ROBO1: variants seen among roughly 807,000 people sequenced by gnomAD.
ROBO1 encodes the protein roundabout guidance receptor 1.
ROBO1 carries 149 observed loss-of-function variants against 195.9 expected under a neutral mutation model. The observed-to-expected ratio is 0.76, with a 90% CI of 0.67 to 0.87. ROBO1 has a LOEUF of 0.87. Ranked by LOEUF, ROBO1 falls within the 40% of genes least tolerant of loss-of-function variation. The pLI, the probability that ROBO1 is intolerant of heterozygous loss-of-function variation, is 0.00. For missense variants in ROBO1, 1,933 were observed against 2,068.3 expected (o/e 0.93, Z 1.27); for synonymous variants, 816 against 733.2 (o/e 1.11, Z -1.82).
chr3:79,744,554 A>G (rs919199142), intron 1 of ROBO1, among the ~76,000 whole-genome samples: 4 of 152,124 alleles, frequency 2.6e-5, no homozygotes, highest in Non-Finnish European at 5.9e-5. Flanking sequence ...TTTCTACATG[A>G]TGTGAGGATA....
intron 1 of ROBO1, among the ~76,000 whole-genome samples, chr3:79,685,949 T>G (rs907094796): frequency 7.9e-5 from 12 of 152,304 alleles, no homozygotes; most frequent in South Asian, 2.1e-4. Context: ...ATATCCTTGA[T>G]GAAAGCCAAT....
intron 2 of ROBO1, among the ~76,000 whole-genome samples, chr3:79,332,088 A>G (rs1354312432): frequency 6.7e-6 from 1 of 149,532 alleles, no homozygotes; most frequent in African/African-American, 2.5e-5. Context: ...GCTTACAGTG[A>G]GCCGAGATTG....
chr3:79,379,792 T>A (rs557656855), intron 2 of ROBO1, among the ~76,000 whole-genome samples: 4 of 152,248 alleles, frequency 2.6e-5, no homozygotes, highest in African/African-American at 9.6e-5. Context: ...GCGACAAAAA[T>A]CAGACTCACT....
At chr3:79,663,416 A>AT (rs1946387914) in intron 1 of ROBO1, among the ~76,000 whole-genome samples, 1 of 151,884 alleles carries the variant, frequency 6.6e-6, no homozygotes, top group South Asian at 2.1e-4. Context: ...TTGACACATA[A>AT]AAACAATTTT....
chr3:78,877,398 A>T (rs992142003), intron 4 of ROBO1, among the ~76,000 whole-genome samples: 2 of 152,132 alleles, frequency 1.3e-5, no homozygotes, highest in East Asian at 3.9e-4. Flanking sequence ...ATTCATTAGA[A>T]CAATTCTCTG....
At chr3:78,931,236 C>CTTTTTTTTTTTTTTTTT (rs71127369) in intron 4 of ROBO1, among the ~76,000 whole-genome samples, 15 of 79,190 alleles carry the variant, frequency 1.9e-4, no homozygotes, top group East Asian at 7.9e-4. Context: ...TTCTTTCTTT[C>CTTTTTTTTTTTTTTTTT]TTTTTTTTTT....
chr3:79,158,320 T>C (rs1277546860), intron 2 of ROBO1, among the ~76,000 whole-genome samples: 1 of 150,734 alleles, frequency 6.6e-6, no homozygotes, highest in African/African-American at 2.4e-5. Context: ...ATATATCATA[T>C]ATTTTTATGA....
At chr3:79,171,704 A>C (rs538139147) in intron 2 of ROBO1, among the ~76,000 whole-genome samples, 2 of 152,206 alleles carry the variant, frequency 1.3e-5, no homozygotes, top group African/African-American at 4.8e-5. Context: ...TACTTGTTAC[A>C]TAAAAAAAAT....
intron 2 of ROBO1, among the ~76,000 whole-genome samples, chr3:79,451,856 T>C (rs2039451752): frequency 6.6e-6 from 1 of 151,996 alleles, no homozygotes; most frequent in Non-Finnish European, 1.5e-5. Context: ...ACAATGATAT[T>C]GGCTTACATT....
intron 2 of ROBO1, among the ~76,000 whole-genome samples, chr3:79,509,344 G>A (rs1940576523): frequency 6.6e-6 from 1 of 151,564 alleles, no homozygotes; most frequent in Non-Finnish European, 1.5e-5. Flanking sequence ...TCTTTTTAAT[G>A]TTCCTGCTTA....
In ROBO1 at chr3:79,608,227, A is replaced by G. The variant is rs190719907; in HGVS notation, c.-50-18266T>C. On this transcript the variant is annotated intron_variant, in intron 1 of 30. Coordinates refer to ENST00000464233, the MANE Select transcript of ROBO1 (RefSeq NM_002941.4). ...CCATGTGGTCCACAAAAGCACCTTT[A>G]GTCCAAAATGGGGTTATAATAATTA... Among the ~76,000 whole-genome samples, 597 of 152,058 alleles carry G rather than the reference A, an allele frequency of 3.9e-3. 3 individuals are homozygous for G. The highest frequency in any genetic ancestry group is 6.6e-3 in the Admixed American group (100 of 15,222).
At chr3:78,673,345 G>C (rs1300481956) in intron 10 of ROBO1, among the ~76,000 whole-genome samples, 1 of 150,408 alleles carries the variant, frequency 6.6e-6, no homozygotes, top group Admixed American at 6.7e-5. Flanking sequence ...AATAGTGGTG[G>C]AGGTAGTGAT....
chr3:79,557,739 A>ATATAT (rs1273371706), intron 2 of ROBO1, among the ~76,000 whole-genome samples: 1,678 of 139,928 alleles, frequency 0.012, 27 homozygotes, highest in Non-Finnish European at 0.02. Flanking sequence ...TTAAAACAAA[A>ATATAT]AAAAATATAT....
intron 1 of ROBO1, among the ~76,000 whole-genome samples, chr3:79,667,097 C>T (rs1946497254): frequency 1.3e-5 from 2 of 151,962 alleles, no homozygotes; most frequent in South Asian, 2.1e-4. Context: ...GTAGATTACA[C>T]GTGTCACTCT....
intron 4 of ROBO1, among the ~76,000 whole-genome samples, chr3:78,934,790 CAT>C (rs1040916672): frequency 2.0e-5 from 3 of 151,920 alleles, no homozygotes; most frequent in African/African-American, 7.3e-5. Context: ...ATGATACACA[CAT>C]AGACACACAC....
intron 1 of ROBO1, among the ~76,000 whole-genome samples, chr3:79,639,476 TACAACCAG>T (rs1945592880): frequency 6.6e-6 from 1 of 152,086 alleles, no homozygotes; most frequent in Non-Finnish European, 1.5e-5. Flanking sequence ...TTATACTAAA[TACAACCAG>T]GTTGGAAAAA....
intron 2 of ROBO1, among the ~76,000 whole-genome samples, chr3:79,242,223 C>G (rs2082532531): frequency 6.6e-6 from 1 of 151,568 alleles, no homozygotes; most frequent in African/African-American, 2.4e-5. Flanking sequence ...GTCTCTGACC[C>G]CATAAAAGCA....
At chr3:79,334,759 G>T (rs142673749) in intron 2 of ROBO1, among the ~76,000 whole-genome samples, 33 of 151,560 alleles carry the variant, frequency 2.2e-4, no homozygotes, top group Middle Eastern at 3.4e-3. Flanking sequence ...AAGGCAAACA[G>T]TTTTCTTCAC....
chr3:79,051,456 A>G (rs1559622049), intron 3 of ROBO1, among the ~76,000 whole-genome samples: 1 of 152,196 alleles, frequency 6.6e-6, no homozygotes, highest in Non-Finnish European at 1.5e-5. Flanking sequence ...AGACAGATTC[A>G]CAGCTGAATT....
Sources: allele counts gnomAD v4.1 joint callset (sites outside exome capture counted in the v4.1 genomes callset), GRCh38; gene constraint gnomAD v4.1.1; transcripts MANE v1.5; gene names NCBI Gene and HGNC (gene_info 2026-07-23, HGNC 2026-07-21).